The following WDR20 variants were observed in gnomAD, a reference collection of about 807,000 sequenced individuals.
WDR20 encodes the protein WD repeat-containing protein 20.
In WDR20, 3 loss-of-function variants were observed where a neutral mutation model predicts 38.7. That is an observed-to-expected ratio of 0.08 (90% CI 0.04 to 0.20). The LOEUF (loss-of-function observed/expected upper bound fraction) is 0.20. Among genes scored for constraint, WDR20 ranks in the 10% least tolerant of loss-of-function variants. The pLI is 1.00. For synonymous variants in WDR20, 298 were observed against 285.6 expected (o/e 1.04, Z -0.44); for missense variants, 559 against 727.7 (o/e 0.77, Z 2.67).
chr14:102,218,780 C>T (rs375194107), downstream of WDR20, among the ~76,000 whole-genome samples: 8 of 152,164 alleles, frequency 5.3e-5, no homozygotes, highest in East Asian at 7.7e-4. Context: ...GATGGGACGC[C>T]GTGCAGATTC....
At chr14:102,143,678 G>A (rs970574401) in intron 1 of WDR20, among the ~76,000 whole-genome samples, 4 of 151,798 alleles carry the variant, frequency 2.6e-5, no homozygotes, top group Admixed American at 2.6e-4. Flanking sequence ...CCGAGCAGCT[G>A]GGACTACAGG....
intron 2 of WDR20, among the ~76,000 whole-genome samples, chr14:102,199,536 G>C (rs1456478537): frequency 1.3e-5 from 2 of 152,116 alleles, no homozygotes; most frequent in Admixed American, 1.3e-4. Flanking sequence ...GGGTTGGCCC[G>C]CTGGTCACAA....
At chr14:102,213,566 AG>A, downstream of WDR20, 4 of 985,454 alleles carry the variant, frequency 4.1e-6, no homozygotes, top group Non-Finnish European at 4.8e-6. Flanking sequence ...ATGCAGTGAC[AG>A]GATGGGATTT....
In WDR20 at chr14:102,194,923, C is replaced by T. The variant is rs1434447011; in HGVS notation, c.250-15C>T. On this transcript the variant is annotated splice_polypyrimidine_tract_variant and intron_variant, in intron 1 of 2. Transcript: ENST00000342702. ...TGTGCTGTTTACTGTATGTATTTTT[C>T]TCTTTCTCCTCCAGGCTGCTGACTT... 1.9e-6 allele frequency: 3 copies of T among 1,611,228 alleles called. No homozygotes were observed. The highest frequency in any genetic ancestry group is 2.5e-6 in the Non-Finnish European group (3 of 1,178,576).
chr14:102,218,408 A>T (rs2063485926), downstream of WDR20, among the ~76,000 whole-genome samples: 1 of 152,208 alleles, frequency 6.6e-6, no homozygotes, highest in African/African-American at 2.4e-5. Flanking sequence ...TCCAGGCCTG[A>T]CAGAGCTTCA....
At chr14:102,179,422 T>A (rs1227300079) in intron 1 of WDR20, among the ~76,000 whole-genome samples, 6 of 138,486 alleles carry the variant, frequency 4.3e-5, no homozygotes, top group African/African-American at 5.3e-5. Context: ...AACTTTTTTT[T>A]AAAGTATTTT....
chr14:102,212,924 A>G, downstream of WDR20: 1 of 1,085,640 alleles, frequency 9.2e-7, no homozygotes, highest in Non-Finnish European at 1.1e-6. Flanking sequence ...TTAAATACTC[A>G]GTCAGCATCA....
intron 2 of WDR20, among the ~76,000 whole-genome samples, chr14:102,200,467 T>TTTTTTTTTTTTTTTG (rs748066838): frequency 1.7e-5 from 2 of 117,774 alleles, no homozygotes; most frequent in South Asian, 3.2e-4. Context: ...ATTTTTTTTT[T>TTTTTTTTTTTTTTTG]TGTGTGTGTG....
chr14:102,151,514 G>T (rs1169244093), intron 1 of WDR20, among the ~76,000 whole-genome samples: 2 of 151,676 alleles, frequency 1.3e-5, no homozygotes, highest in Non-Finnish European at 2.9e-5. Flanking sequence ...TCCCACCTTA[G>T]CCTCCCATGT....
intron 2 of WDR20, among the ~76,000 whole-genome samples, chr14:102,206,360 G>C (rs2061542479): frequency 1.3e-5 from 2 of 152,140 alleles, no homozygotes; most frequent in Admixed American, 1.3e-4. Flanking sequence ...TATTTTTAAT[G>C]GTGCTATAAA....
At chr14:102,214,985 C>CGT (rs943157780), downstream of WDR20, 8 of 984,408 alleles carry the variant, frequency 8.1e-6, no homozygotes, top group Non-Finnish European at 8.4e-6. Flanking sequence ...ATTAAATAAA[C>CGT]GTGTGTGAGT....
intron 1 of WDR20, among the ~76,000 whole-genome samples, chr14:102,156,568 T>G (rs2057443998): frequency 6.6e-6 from 1 of 152,032 alleles, no homozygotes; most frequent in Non-Finnish European, 1.5e-5. Flanking sequence ...TTTTTTTTTT[T>G]GGAAACCGGG....
chr14:102,200,460 TTTTTTTTTGTGTGTGTGTGTGTG>T (rs1567022533), intron 2 of WDR20, among the ~76,000 whole-genome samples: 1 of 109,222 alleles, frequency 9.2e-6, no homozygotes, highest in Non-Finnish European at 2.0e-5. Context: ...TTTTTAAATT[TTTTTTTTTGTGTGTGTGTGTGTG>T]TGTGTGTGTG....
At chr14:102,194,551 T>C (rs994493747) in intron 1 of WDR20, among the ~76,000 whole-genome samples, 5 of 152,178 alleles carry the variant, frequency 3.3e-5, no homozygotes, top group African/African-American at 1.2e-4. Context: ...GGCATGTAGG[T>C]GCTGTAGATA....
At chr14:102,169,916 C>T (rs535977059) in intron 1 of WDR20, among the ~76,000 whole-genome samples, 4 of 152,222 alleles carry the variant, frequency 2.6e-5, no homozygotes, top group African/African-American at 7.2e-5. Context: ...ATAGGTAATA[C>T]GTTCACATGG....
Position 102,139,931 on chromosome 14 carries a change from C to G in WDR20, c.8C>G (p.Thr3Arg), listed in dbSNP as rs762155932. 1 of 1,612,160 alleles carries G rather than the reference C, an allele frequency of 6.2e-7. No homozygotes were observed. Among genetic ancestry groups the G allele is most frequent in the East Asian group, 2.2e-5 (1 of 44,818 alleles). The stretch of plus-strand genomic sequence containing the variant: ...TGAACGCTGCTTTCCAAGATGGCGA[C>G]GGAGGGAGGAGGGAAGGAGATGAAC... MA[T>R]EGGGKEMNEI... Residue 3 changes from threonine to arginine, a missense_variant, in exon 1 of 3, where the codon ACG becomes AGG. Transcript: ENST00000342702.
At chr14:102,205,807 T>C (rs1414576995) in intron 2 of WDR20, among the ~76,000 whole-genome samples, 2 of 151,724 alleles carry the variant, frequency 1.3e-5, no homozygotes, top group Non-Finnish European at 2.9e-5. Context: ...AAGGTCGGTT[T>C]TTTTTTTTTT....
intron 1 of WDR20, chr14:102,171,255 C>CTA (rs1555384141): frequency 8.4e-6 from 1 of 119,192 alleles, no homozygotes; most frequent in African/African-American, 3.0e-5. Context: ...TGGCCTCTCT[C>CTA]TTTTTTTTTT....
chr14:102,174,815 A>AT (rs1313639308), intron 1 of WDR20, among the ~76,000 whole-genome samples: 1 of 151,948 alleles, frequency 6.6e-6, no homozygotes, highest in Non-Finnish European at 1.5e-5. Flanking sequence ...GATGTTTAGC[A>AT]TTTTTTCATA....
Sources: gnomAD v4.1 joint callset for allele counts (sites outside exome capture counted in the v4.1 genomes callset) on GRCh38, gnomAD v4.1.1 for gene constraint, MANE v1.5 for transcripts, NCBI Gene and HGNC (gene_info 2026-07-23, HGNC 2026-07-21) for gene names.